ATRNL1: variants seen among roughly 807,000 people sequenced by gnomAD.
ATRNL1 encodes the protein attractin-like protein 1.
Under a neutral mutation model 182.7 loss-of-function variants are expected in ATRNL1, and 95 were observed. The ratio of observed to expected loss-of-function variants is 0.52; its 90% CI spans 0.44 to 0.62. The LOEUF (loss-of-function observed/expected upper bound fraction) is 0.62. ATRNL1 is among the 20% of genes least tolerant of loss of function. The probability of loss-of-function intolerance (pLI) is 0.00; values close to 1 mark genes in which losing one functional copy is unlikely to be tolerated. For missense variants in ATRNL1, 1,471 were observed against 1,679.5 expected, an observed-to-expected ratio of 0.88 and a Z score of 2.17; for synonymous variants, 576 against 568.3, an observed-to-expected ratio of 1.01 and a Z score of -0.19.
chr10:115,866,897 G>A (rs992902082), intron 28 of ATRNL1, among the ~76,000 whole-genome samples: 2 of 152,144 alleles, frequency 1.3e-5, no homozygotes, highest in Non-Finnish European at 2.9e-5. Context: ...TCTGAGTCTC[G>A]TAATTGGTAA....
chr10:115,865,873 A>G (rs1293115229), intron 28 of ATRNL1, among the ~76,000 whole-genome samples: 1 of 152,182 alleles, frequency 6.6e-6, no homozygotes, highest in East Asian at 1.9e-4. Flanking sequence ...CTTTCCCTTG[A>G]TTCTTTTTCT....
In ATRNL1 at chr10:115,528,011, T is replaced by TTCCTTCCC. The variant is rs1554987149; in HGVS notation, c.3716+8694_3716+8695insCTCCTTCC. ...CTCCCTCCCTCCCTTCCTTCCTTCC[T>TTCCTTCCC]TCCTTCCTTCCTTCCCTCCTTCCTT... On this transcript the variant is annotated intron_variant, in intron 25 of 28. Coordinates refer to ENST00000355044, the MANE Select transcript of ATRNL1 (RefSeq NM_207303.4). 1.7e-3 allele frequency among the ~76,000 whole-genome samples: 103 copies of TTCCTTCCC among 60,470 alleles called. 13 individuals are homozygous for TTCCTTCCC. Among genetic ancestry groups the TTCCTTCCC allele is most frequent in the African/African-American group, 8.7e-3 (96 of 10,992 alleles). The allele number at this position is 60,470 out of a possible 152,430, so 39.7% of individuals were successfully genotyped here. A position where few individuals can be genotyped will look rare whatever the true frequency, so the allele number is the denominator to read the frequency against.
intron 26 of ATRNL1, among the ~76,000 whole-genome samples, chr10:115,588,039 C>T (rs1327953766): frequency 6.6e-6 from 1 of 152,098 alleles, no homozygotes; most frequent in Non-Finnish European, 1.5e-5. Flanking sequence ...CACTAGGTTA[C>T]ACAGGGATTA....
chr10:115,109,769 T>G (rs1288480677), intron 1 of ATRNL1, among the ~76,000 whole-genome samples: 2 of 152,196 alleles, frequency 1.3e-5, no homozygotes, highest in Non-Finnish European at 2.9e-5. Context: ...GCAATCAACT[T>G]GTTTTGGTTC....
chr10:115,377,471 CG>C (rs1463525827), intron 19 of ATRNL1, among the ~76,000 whole-genome samples: 1 of 152,138 alleles, frequency 6.6e-6, no homozygotes, highest in Non-Finnish European at 1.5e-5. Flanking sequence ...TGGACTAATA[CG>C]GTTGTCTATC....
At chr10:115,203,496 A>C (rs916949086) in intron 8 of ATRNL1, among the ~76,000 whole-genome samples, 2 of 152,006 alleles carry the variant, frequency 1.3e-5, no homozygotes, top group African/African-American at 4.8e-5. Context: ...ATGATAAAGT[A>C]CAAAATGTAC....
rs532710680 is a variant in ATRNL1, at chr10:115,721,536, G to A, written c.3796-5712G>A. ...TGGGGGGCCAAAGCACTTCTTACAT[G>A]GCAGCGTTAAGAGAAAATGAAGAAG... On this transcript the variant is annotated intron_variant, in intron 26 of 28. Transcript: ENST00000355044. 5.9e-5 allele frequency among the ~76,000 whole-genome samples: 9 copies of A among 152,214 alleles called. 1 individual carries two copies. In the South Asian group the frequency reaches 1.7e-3, roughly 28 times the overall value.
chr10:115,915,036 ATAT>A (rs1440699813), intron 28 of ATRNL1, among the ~76,000 whole-genome samples: 1 of 152,200 alleles, frequency 6.6e-6, no homozygotes, highest in East Asian at 1.9e-4. Context: ...AATTACTGAA[ATAT>A]TATTCTTGTG....
intron 5 of ATRNL1, among the ~76,000 whole-genome samples, chr10:115,139,295 G>A (rs1554877444): frequency 6.6e-6 from 1 of 152,088 alleles, no homozygotes; most frequent in African/African-American, 2.4e-5. Flanking sequence ...CTACATTTTC[G>A]GGTATCTTTT....
rs148137124 is a variant in ATRNL1, at chr10:115,640,451, T to A, written c.3796-86797T>A. Among the ~76,000 whole-genome samples, 204 of 152,334 alleles carry A rather than the reference T, an allele frequency of 1.3e-3. 1 individual carries two copies. The highest frequency in any genetic ancestry group is 4.7e-3 in the African/African-American group (194 of 41,576). Reference sequence around the variant, plus strand: ...TTGCCAGCCTCTGTTGTTTCCTGACTTTTTAGTGATCGCCATTCAAACTGG... The same window carrying A: ...TTGCCAGCCTCTGTTGTTTCCTGACATTTTAGTGATCGCCATTCAAACTGG... On this transcript the variant is annotated intron_variant, in intron 26 of 28. Coordinates refer to ENST00000355044, the MANE Select transcript of ATRNL1 (RefSeq NM_207303.4).
At chr10:115,329,275 AT>A (rs145704733) in intron 18 of ATRNL1, among the ~76,000 whole-genome samples, 6,006 of 152,152 alleles carry the variant, frequency 0.039, 172 homozygotes, top group South Asian at 0.078. Context: ...ATTTTGATAT[AT>A]TTAATTCATT....
intron 21 of ATRNL1, among the ~76,000 whole-genome samples, chr10:115,453,956 A>T (rs539176144): frequency 2.6e-5 from 4 of 151,942 alleles, no homozygotes; most frequent in African/African-American, 7.3e-5. Flanking sequence ...ATAATAATAA[A>T]AAAGAAAAAA....
rs1170030847 is a variant in ATRNL1, at chr10:115,889,378, C to A, written c.4018+41387C>A. On this transcript the variant is annotated intron_variant, in intron 28 of 28. Coordinates refer to ENST00000355044, the MANE Select transcript of ATRNL1 (RefSeq NM_207303.4). ...TTTGAGACAGAGTCTTGCTCTGTCA[C>A]CCAGGCTGGAGGGCAGTGGTGCTCA... Among the ~76,000 whole-genome samples, 5 of 140,180 alleles carry A rather than the reference C, an allele frequency of 3.6e-5. No homozygotes were observed. In the East Asian group the frequency reaches 1.2e-3, roughly 33 times the overall value. The allele number at this position is 140,180 out of a possible 152,430, so 92.0% of individuals were successfully genotyped here. A position where few individuals can be genotyped will look rare whatever the true frequency, so the allele number is the denominator to read the frequency against.
intron 13 of ATRNL1, among the ~76,000 whole-genome samples, chr10:115,270,457 A>T (rs150746169): frequency 0.015 from 2,145 of 147,210 alleles, 48 homozygotes; most frequent in African/African-American, 0.049. Flanking sequence ...ATGTGTATAT[A>T]TATATATAAA....
At chr10:115,212,045 A>G (rs1849046393) in intron 8 of ATRNL1, among the ~76,000 whole-genome samples, 1 of 150,568 alleles carries the variant, frequency 6.6e-6, no homozygotes, top group Non-Finnish European at 1.5e-5. Context: ...TTTATTTTAG[A>G]TTCAGGGGGT....
intron 26 of ATRNL1, among the ~76,000 whole-genome samples, chr10:115,690,951 A>G (rs1236239866): frequency 6.6e-6 from 1 of 152,034 alleles, no homozygotes; most frequent in African/African-American, 2.4e-5. Context: ...TACCTACAAT[A>G]CCAAGCCCCT....
chr10:115,396,815 A>G (rs1217932404), intron 20 of ATRNL1, among the ~76,000 whole-genome samples: 2 of 151,994 alleles, frequency 1.3e-5, no homozygotes, highest in African/African-American at 4.8e-5. Flanking sequence ...AGAAAGCAGA[A>G]TTTTAATTCA....
intron 9 of ATRNL1, among the ~76,000 whole-genome samples, chr10:115,238,905 C>G (rs144358305): frequency 0.014 from 2,131 of 152,258 alleles, 23 homozygotes; most frequent in Non-Finnish European, 0.021. Context: ...TATTTTCCCT[C>G]TATTCCTAGT....
intron 1 of ATRNL1, among the ~76,000 whole-genome samples, chr10:115,112,042 C>T (rs932906727): frequency 1.8e-4 from 26 of 144,778 alleles, no homozygotes; most frequent in Non-Finnish European, 3.0e-5. Context: ...TTTACAATAG[C>T]ATCAAAAAAC....
Sources: allele counts gnomAD v4.1 joint callset (sites outside exome capture counted in the v4.1 genomes callset), GRCh38; gene constraint gnomAD v4.1.1; transcripts MANE v1.5; gene names NCBI Gene and HGNC (gene_info 2026-07-23, HGNC 2026-07-21).